POPDC1: variants seen among roughly 807,000 people sequenced by gnomAD.
The protein encoded by POPDC1 is popeye domain-containing protein 1.
At chr6:105,112,229 C>T in the POPDC1 span, among the ~76,000 whole-genome samples, 7 of 152,244 alleles carry the variant, frequency 4.6e-5, no homozygotes, top group African/African-American at 1.7e-4. Flanking sequence ...AAAACAAAAA[C>T]ATATGCAGAA....
chr6:105,132,015 G>A, the POPDC1 span, among the ~76,000 whole-genome samples: 1 of 150,428 alleles, frequency 6.6e-6, no homozygotes, highest in Admixed American at 6.6e-5. Flanking sequence ...CGCCAGGTTG[G>A]AGTGCAGTGG....
the POPDC1 span, among the ~76,000 whole-genome samples, chr6:105,124,237 C>T: frequency 0.013 from 1,903 of 151,930 alleles, 21 homozygotes; most frequent in African/African-American, 0.03. Flanking sequence ...AAAAAATTAG[C>T]CGGGGGTGGT....
the POPDC1 span, among the ~76,000 whole-genome samples, chr6:105,122,611 T>C: frequency 6.6e-6 from 1 of 152,184 alleles, no homozygotes; most frequent in Non-Finnish European, 1.5e-5. Context: ...ATGAGATAGT[T>C]ATCACACAAA....
At chr6:105,134,470 CTA>C in the POPDC1 span, among the ~76,000 whole-genome samples, 1 of 152,092 alleles carries the variant, frequency 6.6e-6, no homozygotes, top group South Asian at 2.1e-4. Context: ...TTGCCAAACA[CTA>C]TGTAGGTTTA....
chr6:105,100,375 TGGCA>T, the POPDC1 span: 2 of 152,054 alleles, frequency 1.3e-5, no homozygotes, highest in South Asian at 4.2e-4. Context: ...CTGGGCGCGG[TGGCA>T]GGTGCCTGTA....
the POPDC1 span, among the ~76,000 whole-genome samples, chr6:105,126,253 AAAAG>A: frequency 2.0e-5 from 3 of 151,452 alleles, no homozygotes; most frequent in Non-Finnish European, 4.4e-5. Context: ...AAAAATAAAA[AAAAG>A]AAAGAAAGAA....
the POPDC1 span, among the ~76,000 whole-genome samples, chr6:105,107,547 G>C: frequency 3.9e-5 from 6 of 152,300 alleles, no homozygotes; most frequent in African/African-American, 1.4e-4. Flanking sequence ...AATCTGTCAG[G>C]TGACTTTTAT....
At chr6:105,125,655 G>T in the POPDC1 span, 1 of 1,401,930 alleles carries the variant, frequency 7.1e-7, no homozygotes, top group Non-Finnish European at 1.0e-6. Flanking sequence ...GTCTAAATAT[G>T]GTTTTGATAA....
At chr6:105,131,574 C>T in the POPDC1 span, among the ~76,000 whole-genome samples, 4 of 152,116 alleles carry the variant, frequency 2.6e-5, no homozygotes, top group Non-Finnish European at 5.9e-5. Context: ...TGCCACCATG[C>T]CTAGATAATT....
chr6:105,114,575 A>G, the POPDC1 span, among the ~76,000 whole-genome samples: 4 of 152,266 alleles, frequency 2.6e-5, no homozygotes, highest in Non-Finnish European at 5.9e-5. Flanking sequence ...AAATATGAAT[A>G]GTTTTTAATT....
the POPDC1 span, chr6:105,129,465 A>G: frequency 9.3e-6 from 15 of 1,612,668 alleles, no homozygotes; most frequent in South Asian, 2.2e-5. Flanking sequence ...TCCAAGGCAC[A>G]TCGGTAGAGA....
At chr6:105,099,407 T>G in the POPDC1 span, 1 of 152,246 alleles carries the variant, frequency 6.6e-6, no homozygotes, top group Admixed American at 6.5e-5. Flanking sequence ...TCAGTTCACC[T>G]GAGAACAACT....
At chr6:105,103,052 C>G in the POPDC1 span, among the ~76,000 whole-genome samples, 2 of 152,200 alleles carry the variant, frequency 1.3e-5, no homozygotes, top group Admixed American at 1.3e-4. Flanking sequence ...CTTTCCCATG[C>G]AGGTGACATC....
the POPDC1 span, among the ~76,000 whole-genome samples, chr6:105,121,756 C>A: frequency 6.6e-6 from 1 of 152,172 alleles, no homozygotes. Flanking sequence ...CTGAGCAACA[C>A]CTGCTATGCA....
At chr6:105,104,351 T>C in the POPDC1 span, among the ~76,000 whole-genome samples, 1 of 152,122 alleles carries the variant, frequency 6.6e-6, no homozygotes, top group African/African-American at 2.4e-5. Flanking sequence ...TCTTCCTTAT[T>C]AGAAAACAGG....
At chr6:105,117,892 A>G in the POPDC1 span, among the ~76,000 whole-genome samples, 1 of 152,102 alleles carries the variant, frequency 6.6e-6, no homozygotes, top group South Asian at 2.1e-4. Context: ...TAAAACATAC[A>G]CAAATTAGAT....
chr6:105,132,819 A>G, the POPDC1 span, among the ~76,000 whole-genome samples: 1 of 152,206 alleles, frequency 6.6e-6, no homozygotes, highest in African/African-American at 2.4e-5. Flanking sequence ...TTTTGTTCCC[A>G]ATGTTTCTTT....
chr6:105,131,152 G>C, the POPDC1 span, among the ~76,000 whole-genome samples: 9 of 152,062 alleles, frequency 5.9e-5, no homozygotes, highest in Non-Finnish European at 1.0e-4. Flanking sequence ...ACTCACAAAA[G>C]CTAACCACCC....
chr6:105,121,560 G>A, the POPDC1 span, among the ~76,000 whole-genome samples: 15 of 152,170 alleles, frequency 9.9e-5, no homozygotes, highest in East Asian at 1.9e-4. Flanking sequence ...GGGCGGCCGC[G>A]CCTGGCCTAC....
Sources: gnomAD v4.1 joint callset for allele counts (sites outside exome capture counted in the v4.1 genomes callset) on GRCh38, gnomAD v4.1.1 for gene constraint, MANE v1.5 for transcripts, NCBI Gene and HGNC (gene_info 2026-07-23, HGNC 2026-07-21) for gene names.